The following CLIC5 variants were observed in gnomAD, a reference collection of about 807,000 sequenced individuals.
CLIC5 encodes the protein CLIC family member 5.
Under a neutral mutation model 24.7 loss-of-function variants are expected in CLIC5, and 20 were observed. That is an observed-to-expected ratio of 0.81 (90% CI 0.57 to 1.18). The LOEUF is 1.18. Among genes scored for constraint, CLIC5 ranks in the 50% most tolerant of loss-of-function variants. The pLI is 0.00. For missense variants in CLIC5, 341 were observed against 326.1 expected (o/e 1.05, Z -0.35); for synonymous variants, 159 against 135.6 (o/e 1.17, Z -1.20).
intron 1 of CLIC5, among the ~76,000 whole-genome samples, chr6:46,004,203 G>A (rs1208909988): frequency 6.6e-6 from 1 of 152,166 alleles, no homozygotes; most frequent in Non-Finnish European, 1.5e-5. Context: ...GTCAACAGGA[G>A]GTGAGAGAGG....
chr6:45,894,061 G>T (rs1435377114), downstream of CLIC5, among the ~76,000 whole-genome samples: 1 of 152,202 alleles, frequency 6.6e-6, no homozygotes, highest in Non-Finnish European at 1.5e-5. Context: ...GTGTCTAAGA[G>T]AGAGAGAAAC....
At chr6:46,047,665 A>T (rs1767989068) in intron 1 of CLIC5, among the ~76,000 whole-genome samples, 1 of 152,196 alleles carries the variant, frequency 6.6e-6, no homozygotes, top group African/African-American at 2.4e-5. Flanking sequence ...TTGCATACAA[A>T]CCTGTAGTAC....
chr6:46,099,768 A>G, the CLIC5 span, among the ~76,000 whole-genome samples: 12 of 152,280 alleles, frequency 7.9e-5, no homozygotes, highest in African/African-American at 2.4e-4. Flanking sequence ...GTGTGGATAC[A>G]TTGGCCTTTG....
At chr6:45,951,840 G>A (rs987872388) in intron 2 of CLIC5, among the ~76,000 whole-genome samples, 4 of 152,148 alleles carry the variant, frequency 2.6e-5, no homozygotes, top group East Asian at 3.9e-4. Flanking sequence ...AGTTTGGGAG[G>A]GGAAGAGAAG....
At chr6:45,989,669 G>T (rs1338917639) in intron 1 of CLIC5, among the ~76,000 whole-genome samples, 1 of 152,146 alleles carries the variant, frequency 6.6e-6, no homozygotes, top group Non-Finnish European at 1.5e-5. Flanking sequence ...TGTAAATAGG[G>T]AATATTAAAA....
intron 1 of CLIC5, among the ~76,000 whole-genome samples, chr6:46,052,596 G>A (rs1435509454): frequency 6.6e-6 from 1 of 152,210 alleles, no homozygotes; most frequent in South Asian, 2.1e-4. Context: ...GAAGCTGTCA[G>A]CTTGGAGTTG....
chr6:46,004,375 T>C (rs375238459), intron 1 of CLIC5, among the ~76,000 whole-genome samples: 2 of 152,234 alleles, frequency 1.3e-5, no homozygotes, highest in African/African-American at 4.8e-5. Context: ...GATTGAGCTC[T>C]GGACTATGGA....
At chr6:45,974,451 G>A (rs1364118682) in intron 1 of CLIC5, among the ~76,000 whole-genome samples, 1 of 143,566 alleles carries the variant, frequency 7.0e-6, no homozygotes, top group Non-Finnish European at 1.5e-5. Flanking sequence ...TCAACAATAT[G>A]TTTTTCATGT....
intron 3 of CLIC5, among the ~76,000 whole-genome samples, chr6:45,942,003 C>G (rs1381305599): frequency 1.3e-5 from 2 of 152,170 alleles, no homozygotes; most frequent in Admixed American, 6.5e-5. Flanking sequence ...GCTTGCCTCT[C>G]TATCTGGTAG....
At chr6:45,956,585 C>T (rs997821567) in intron 1 of CLIC5, among the ~76,000 whole-genome samples, 4 of 151,872 alleles carry the variant, frequency 2.6e-5, no homozygotes, top group Non-Finnish European at 5.9e-5. Context: ...GGGGAGGCAG[C>T]GATGCCTTCT....
chr6:45,949,501 A>G lies in CLIC5; in HGVS notation c.174-120T>C, dbSNP rs1031858524. The stretch of plus-strand genomic sequence containing the variant: ...ATCCAACATGCCTGTCAGGTGAAAC[A>G]GATTTATGGTATGCAGTATAGGGCA... On this transcript the variant is annotated intron_variant, in intron 2 of 5. Coordinates refer to ENST00000339561, the MANE Select transcript of CLIC5 (RefSeq NM_016929.5). 3.5e-6 allele frequency: 4 copies of G among 1,135,196 alleles called. No homozygotes were observed. In the African/African-American group the frequency reaches 6.2e-5, roughly 18 times the overall value. 70.3% of individuals were successfully genotyped at this position (1,135,196 alleles called of 1,614,324 possible). A position where few individuals can be genotyped will look rare whatever the true frequency, so the allele number is the denominator to read the frequency against.
At chr6:46,026,444 TTAATC>T (rs1434845017) in intron 1 of CLIC5, among the ~76,000 whole-genome samples, 1 of 152,190 alleles carries the variant, frequency 6.6e-6, no homozygotes, top group African/African-American at 2.4e-5. Flanking sequence ...GTAGTTCTCT[TTAATC>T]TATATTCAGG....
intron 1 of CLIC5, among the ~76,000 whole-genome samples, chr6:46,036,294 A>T (rs1767655670): frequency 6.9e-6 from 1 of 144,966 alleles, no homozygotes; most frequent in African/African-American, 2.5e-5. Context: ...CTCCCCACCT[A>T]GACTGCAAGG....
chr6:45,941,410 G>T lies in CLIC5; in HGVS notation c.406+137C>A, dbSNP rs202045963. ...GGACAAGATGGTGGTGGCGGGGGGT[G>T]GGGGCAAATAATAAGCAGTATTGGT... On this transcript the variant is annotated intron_variant, in intron 4 of 5. Coordinates refer to ENST00000339561, the MANE Select transcript of CLIC5 (RefSeq NM_016929.5). 3 of 678,402 alleles carry T rather than the reference G, an allele frequency of 4.4e-6. No homozygotes were observed. The Admixed American group carries it at 6.5e-5, about 15-fold the overall frequency. The allele number at this position is 678,402 out of a possible 1,614,324, so 42.0% of individuals were successfully genotyped here. A position where few individuals can be genotyped will look rare whatever the true frequency, so the allele number is the denominator to read the frequency against.
chr6:45,913,871 C>G, intron 5 of CLIC5: 1 of 1,142,608 alleles, frequency 8.8e-7, no homozygotes, highest in South Asian at 4.4e-5. Context: ...AGGGGTGTAG[C>G]CAGGGAAATC....
chr6:45,940,897 TG>T (rs1445639791), intron 4 of CLIC5, among the ~76,000 whole-genome samples: 1 of 152,224 alleles, frequency 6.6e-6, no homozygotes, highest in Non-Finnish European at 1.5e-5. Flanking sequence ...GGACTGAAAG[TG>T]CTGTGAGCAT....
At chr6:45,997,131 T>G (rs1454189255) in intron 1 of CLIC5, among the ~76,000 whole-genome samples, 2 of 150,220 alleles carry the variant, frequency 1.3e-5, no homozygotes, top group Non-Finnish European at 3.0e-5. Context: ...TAGACTGGAT[T>G]AAGAAAATGT....
intron 1 of CLIC5, among the ~76,000 whole-genome samples, chr6:46,054,851 C>T (rs369599610): frequency 1.3e-5 from 2 of 152,160 alleles, no homozygotes; most frequent in Non-Finnish European, 2.9e-5. Flanking sequence ...TATCCAGAAC[C>T]GTGAAAAAAT....
chr6:46,115,993 C>T, the CLIC5 span, among the ~76,000 whole-genome samples: 10 of 152,160 alleles, frequency 6.6e-5, no homozygotes, highest in African/African-American at 2.4e-4. Flanking sequence ...AAAACTCATG[C>T]TATTTTTTAT....
Sources: allele counts gnomAD v4.1 joint callset (sites outside exome capture counted in the v4.1 genomes callset), GRCh38; gene constraint gnomAD v4.1.1; transcripts MANE v1.5; gene names NCBI Gene and HGNC (gene_info 2026-07-23, HGNC 2026-07-21).